SCN8A: variants seen among roughly 807,000 people sequenced by gnomAD.
The protein encoded by SCN8A is sodium channel protein type 8 subunit alpha.
Under a neutral mutation model 184.1 loss-of-function variants are expected in SCN8A, and 30 were observed. The ratio of observed to expected loss-of-function variants is 0.16; its 90% CI spans 0.12 to 0.22. The LOEUF (loss-of-function observed/expected upper bound fraction) is 0.22, where lower values mean the gene tolerates loss of function less well. SCN8A is among the 10% of genes least tolerant of loss of function. The pLI is 1.00. For missense variants in SCN8A, 1,057 were observed against 2,498.9 expected, an observed-to-expected ratio of 0.42 and a Z score of 12.30; for synonymous variants, 852 against 907.0, an observed-to-expected ratio of 0.94 and a Z score of 1.09.
chr12:51,674,074 G>A (rs112370956), intron 2 of SCN8A, among the ~76,000 whole-genome samples: 1 of 152,314 alleles, frequency 6.6e-6, no homozygotes, highest in Non-Finnish European at 1.5e-5. Flanking sequence ...GAGTGTAGCT[G>A]TAACTGAAGC....
chr12:51,709,726 GA>G (rs139288774), intron 11 of SCN8A, among the ~76,000 whole-genome samples: 4 of 148,764 alleles, frequency 2.7e-5, no homozygotes, highest in Non-Finnish European at 4.5e-5. Context: ...CTTTGTGGAA[GA>G]AAAAAAAACA....
intron 26 of SCN8A, among the ~76,000 whole-genome samples, chr12:51,802,685 T>C (rs552601654): frequency 1.3e-5 from 2 of 152,338 alleles, no homozygotes; most frequent in African/African-American, 4.8e-5. Context: ...CCAGTGAACT[T>C]AGGAGAACCA....
At chr12:51,684,763 T>A (rs1233274728) in intron 3 of SCN8A, among the ~76,000 whole-genome samples, 2 of 152,204 alleles carry the variant, frequency 1.3e-5, no homozygotes, top group East Asian at 3.8e-4. Context: ...AGTTCTCAGA[T>A]GAAATAACCT....
At chr12:51,738,863 C>A (rs752214926) in intron 12 of SCN8A, among the ~76,000 whole-genome samples, 1 of 152,204 alleles carries the variant, frequency 6.6e-6, no homozygotes, top group Non-Finnish European at 1.5e-5. Flanking sequence ...AGAAGGCTCA[C>A]AGCTTTTGTG....
rs149688575 is a variant in SCN8A at position 51,656,556 on chromosome 12, A to G, written c.-54-6208A>G. ...TATCTGACAAATGACTTCAATGGAG[A>G]ATACACAAAGAACTCCTACAAACTA... On this transcript the variant is annotated intron_variant, in intron 1 of 26. Transcript: ENST00000627620. Among the ~76,000 whole-genome samples, 224 of 152,324 alleles carry G rather than the reference A, an allele frequency of 1.5e-3. 1 individual carries two copies. Among genetic ancestry groups the G allele is most frequent in the African/African-American group, 5.1e-3 (213 of 41,580 alleles).
intron 1 of SCN8A, among the ~76,000 whole-genome samples, chr12:51,652,274 A>G (rs2138654337): frequency 1.3e-5 from 2 of 152,156 alleles, no homozygotes; most frequent in Middle Eastern, 6.8e-3. Flanking sequence ...TAGTCAGTCA[A>G]CAAAACTGTC....
At chr12:51,645,169 T>C (rs1940547131) in intron 1 of SCN8A, among the ~76,000 whole-genome samples, 2 of 140,238 alleles carry the variant, frequency 1.4e-5, no homozygotes, top group African/African-American at 5.5e-5. Flanking sequence ...GAGGAGCCCC[T>C]CTGCCCGGCC....
chr12:51,599,358 G>A (rs1939416135), intron 1 of SCN8A, among the ~76,000 whole-genome samples: 2 of 152,198 alleles, frequency 1.3e-5, no homozygotes. Flanking sequence ...AGGAAAGAGA[G>A]AGCATTTCAA....
intron 1 of SCN8A, among the ~76,000 whole-genome samples, chr12:51,628,737 A>G (rs1161802838): frequency 1.3e-5 from 2 of 152,174 alleles, no homozygotes; most frequent in African/African-American, 4.8e-5. Flanking sequence ...AAATAAAGAT[A>G]TCTTTCTTAT....
At chr12:51,621,735 C>G (rs1939967508) in intron 1 of SCN8A, among the ~76,000 whole-genome samples, 1 of 152,178 alleles carries the variant, frequency 6.6e-6, no homozygotes, top group African/African-American at 2.4e-5. Flanking sequence ...TACAGGCAGT[C>G]TAGGGTCCAG....
intron 14 of SCN8A, among the ~76,000 whole-genome samples, chr12:51,759,896 AT>A (rs1260509834): frequency 6.6e-6 from 1 of 152,238 alleles, no homozygotes; most frequent in African/African-American, 2.4e-5. Flanking sequence ...TTTGTGCTAC[AT>A]CATCCCATGG....
At chr12:51,650,088 G>A (rs886655654) in intron 1 of SCN8A, among the ~76,000 whole-genome samples, 1 of 152,160 alleles carries the variant, frequency 6.6e-6, no homozygotes, top group African/African-American at 2.4e-5. Context: ...AATGCCACCA[G>A]TCTCTTTGCT....
At chr12:51,715,319 T>C (rs932668570) in intron 11 of SCN8A, among the ~76,000 whole-genome samples, 2 of 152,256 alleles carry the variant, frequency 1.3e-5, no homozygotes, top group Admixed American at 6.5e-5. Flanking sequence ...CTTATCACTA[T>C]CCTTAAGGTT....
At chr12:51,631,450 G>A (rs1316108259) in intron 1 of SCN8A, among the ~76,000 whole-genome samples, 2 of 152,194 alleles carry the variant, frequency 1.3e-5, no homozygotes, top group Non-Finnish European at 2.9e-5. Context: ...TTATTCTTGT[G>A]GTCCAGCCAC....
chr12:51,665,758 C>G (rs925310621), intron 2 of SCN8A, among the ~76,000 whole-genome samples: 1 of 152,018 alleles, frequency 6.6e-6, no homozygotes, highest in African/African-American at 2.4e-5. Flanking sequence ...GCACAGGAAC[C>G]CTCATGAAGA....
At chr12:51,751,964 C>G (rs953480891) in intron 14 of SCN8A, among the ~76,000 whole-genome samples, 1 of 152,116 alleles carries the variant, frequency 6.6e-6, no homozygotes, top group African/African-American at 2.4e-5. Flanking sequence ...CCCCTTTCAC[C>G]TTAAGTAACA....
Position 51,746,013 on chromosome 12 carries a change from T to C in SCN8A, c.2109T>C (p.Val703=), listed in dbSNP as rs369029348. The part of the protein sequence containing the change: ...RKDRINSIMS[V]VTNTLVEELE... The stretch of plus-strand genomic sequence containing the variant: ...ACAGAATCAACAGTATAATGAGTGT[T>C]GTTACAAATACACTAGTAGAAGGTA... The change falls in exon 13 of 27, where the codon GTT becomes GTC. Residue 703 remains valine (V), a synonymous_variant. Transcript: ENST00000627620. 5.6e-4 allele frequency: 903 copies of C among 1,609,592 alleles called. No homozygotes were observed. The highest frequency in any genetic ancestry group is 7.4e-4 in the Non-Finnish European group (874 of 1,178,058).
intron 3 of SCN8A, 114 bp from the exon 4 acceptor site, chr12:51,686,254 T>G (rs1941417222): frequency 1.4e-6 from 1 of 699,064 alleles, no homozygotes; most frequent in South Asian, 1.7e-5. Flanking sequence ...TCTTCTGTGC[T>G]TCATCTCCTT....
intron 1 of SCN8A, among the ~76,000 whole-genome samples, chr12:51,597,287 G>A (rs1939369255): frequency 6.6e-6 from 1 of 152,068 alleles, no homozygotes; most frequent in Non-Finnish European, 1.5e-5. Flanking sequence ...GTATTCACTG[G>A]GCATGTCCCA....
Sources: gnomAD v4.1 joint callset for allele counts (sites outside exome capture counted in the v4.1 genomes callset) on GRCh38, gnomAD v4.1.1 for gene constraint, MANE v1.5 for transcripts, NCBI Gene and HGNC (gene_info 2026-07-23, HGNC 2026-07-21) for gene names.